The following DEPTOR variants were observed in gnomAD, a reference collection of about 807,000 sequenced individuals.
DEPTOR encodes the protein DEP domain-containing mTOR-interacting protein.
A neutral mutation model predicts 41.6 loss-of-function variants in DEPTOR; 41 were observed. That is an observed-to-expected ratio of 0.98 (90% CI 0.77 to 1.28). The LOEUF is 1.28. DEPTOR is among the 50% of genes most tolerant of loss of function. The probability of loss-of-function intolerance (pLI) is 0.00; values close to 1 mark genes in which losing one functional copy is unlikely to be tolerated. For missense variants in DEPTOR, 514 were observed against 527.9 expected (o/e 0.97, Z 0.26); for synonymous variants, 195 against 192.3 (o/e 1.01, Z -0.12).
intron 1 of DEPTOR, among the ~76,000 whole-genome samples, chr8:119,921,494 A>G (rs903000703): frequency 6.6e-6 from 1 of 152,178 alleles, no homozygotes; most frequent in Non-Finnish European, 1.5e-5. Flanking sequence ...GTTCTTATAG[A>G]TTTTAACCCC....
rs61018429 is a variant in DEPTOR at position 119,952,355 on chromosome 8, C to T, written c.426-12877C>T. On this transcript the variant is annotated intron_variant, in intron 3 of 8. Transcript: ENST00000286234. ...GCTCTTTCCGTCATGCTGGTGCAGC[C>T]CCTCACCTCCACACAGGACACAGGA... 2.6e-3 allele frequency among the ~76,000 whole-genome samples: 395 copies of T among 152,210 alleles called. 6 individuals carry two copies. In the East Asian group the frequency reaches 0.051, roughly 20 times the overall value.
At chr8:120,047,815 G>A (rs1765449273) in intron 8 of DEPTOR, among the ~76,000 whole-genome samples, 1 of 152,182 alleles carries the variant, frequency 6.6e-6, no homozygotes, top group Admixed American at 6.5e-5. Flanking sequence ...GGAGGCCAAG[G>A]TGGGAGGATC....
intron 4 of DEPTOR, among the ~76,000 whole-genome samples, chr8:119,995,588 C>CA (rs773251025): frequency 0.02 from 1,862 of 92,234 alleles, 12 homozygotes; most frequent in African/African-American, 0.026. Flanking sequence ...TCCTCTGTCT[C>CA]AAAAAAAAAA....
chr8:119,910,723 C>G (rs7000068), intron 1 of DEPTOR, among the ~76,000 whole-genome samples: 109,169 of 151,968 alleles, frequency 0.72, 39,663 homozygotes, highest in East Asian at 0.95. Context: ...TTACAGGTGT[C>G]AGCCACTGCG....
intron 3 of DEPTOR, among the ~76,000 whole-genome samples, chr8:119,942,226 G>A (rs1051234606): frequency 6.6e-6 from 1 of 152,108 alleles, no homozygotes; most frequent in Admixed American, 6.5e-5. Context: ...TTTTTGAGAC[G>A]GAGTCTCATT....
At chr8:119,936,996 C>A (rs921763146) in intron 3 of DEPTOR, among the ~76,000 whole-genome samples, 1 of 151,668 alleles carries the variant, frequency 6.6e-6, no homozygotes, top group Non-Finnish European at 1.5e-5. Context: ...TGCACTCCAG[C>A]CTGGGTGACA....
At chr8:119,915,786 A>G (rs1827803181) in intron 1 of DEPTOR, among the ~76,000 whole-genome samples, 1 of 152,100 alleles carries the variant, frequency 6.6e-6, no homozygotes, top group Admixed American at 6.6e-5. Flanking sequence ...CAAACCTCGC[A>G]GTAGGGAGTG....
At chr8:119,968,975 T>C (rs1828598388) in intron 4 of DEPTOR, among the ~76,000 whole-genome samples, 1 of 151,996 alleles carries the variant, frequency 6.6e-6, no homozygotes, top group Non-Finnish European at 1.5e-5. Flanking sequence ...ATGCCTGTAA[T>C]CCCAGCTACT....
chr8:119,880,826 T>C (rs1185918888), intron 1 of DEPTOR, among the ~76,000 whole-genome samples: 1 of 152,078 alleles, frequency 6.6e-6, no homozygotes, highest in Non-Finnish European at 1.5e-5. Context: ...AGAATGGGAG[T>C]AGGGTAAGGA....
intron 1 of DEPTOR, among the ~76,000 whole-genome samples, chr8:119,908,163 G>A (rs1307493632): frequency 6.6e-6 from 1 of 152,218 alleles, no homozygotes; most frequent in Admixed American, 6.5e-5. Flanking sequence ...CTTCTGAGTT[G>A]CTGACATGTG....
chr8:119,879,059 G>T (rs571444707), intron 1 of DEPTOR, among the ~76,000 whole-genome samples: 3 of 151,662 alleles, frequency 2.0e-5, no homozygotes, highest in Non-Finnish European at 2.9e-5. Flanking sequence ...GTAGTGAGCC[G>T]AGATCGCGCC....
intron 8 of DEPTOR, among the ~76,000 whole-genome samples, chr8:120,037,829 A>T (rs1435024241): frequency 6.6e-6 from 1 of 152,128 alleles, no homozygotes; most frequent in Non-Finnish European, 1.5e-5. Context: ...AAGAGTGAAA[A>T]TGCCCCTGTC....
chr8:119,921,649 C>T (rs900929126), intron 1 of DEPTOR, among the ~76,000 whole-genome samples: 3 of 152,114 alleles, frequency 2.0e-5, no homozygotes, highest in Non-Finnish European at 2.9e-5. Flanking sequence ...TTCTCCCCTT[C>T]TACCCTTGCA....
intron 2 of DEPTOR, among the ~76,000 whole-genome samples, chr8:119,928,889 C>A (rs988615570): frequency 6.6e-6 from 1 of 152,052 alleles, no homozygotes; most frequent in Non-Finnish European, 1.5e-5. Context: ...CTGTGTCCAG[C>A]TGGCATTTGG....
chr8:119,878,650 G>T (rs925014197), intron 1 of DEPTOR, among the ~76,000 whole-genome samples: 1 of 151,948 alleles, frequency 6.6e-6, no homozygotes, highest in African/African-American at 2.4e-5. Flanking sequence ...TTTAAAGGGC[G>T]GTTGGTTGTA....
chr8:119,960,353 C>G lies in DEPTOR; in HGVS notation c.426-4879C>G, dbSNP rs561532973. 8.5e-5 allele frequency among the ~76,000 whole-genome samples: 13 copies of G among 152,286 alleles called. No individual in the cohort carries two copies. The South Asian group carries it at 2.7e-3, about 32-fold the overall frequency. On this transcript the variant is annotated intron_variant, in intron 3 of 8. Coordinates refer to ENST00000286234, the MANE Select transcript of DEPTOR (RefSeq NM_022783.4). ...GAAGTGGAACAGGTATTATCTTCCT[C>G]ATTTAATATGAGTTTGGGAGACAGT...
At chr8:119,980,463 C>CTTTTCTT (rs1828749391) in intron 4 of DEPTOR, among the ~76,000 whole-genome samples, 1 of 39,796 alleles carries the variant, frequency 2.5e-5, no homozygotes, top group Non-Finnish European at 6.6e-5. Flanking sequence ...TTTTTCTTTT[C>CTTTTCTT]TTTTCTTTTC....
At chr8:119,998,958 A>AG (rs1357608324) in intron 4 of DEPTOR, among the ~76,000 whole-genome samples, 1 of 151,652 alleles carries the variant, frequency 6.6e-6, no homozygotes, top group Non-Finnish European at 1.5e-5. Flanking sequence ...AAAAAAAAAA[A>AG]AAAGAAGAAG....
At chr8:119,954,804 C>T (rs553646160) in intron 3 of DEPTOR, among the ~76,000 whole-genome samples, 3 of 152,134 alleles carry the variant, frequency 2.0e-5, no homozygotes, top group South Asian at 2.1e-4. Flanking sequence ...AGCTCACATG[C>T]ACAAGCAAAA....
Sources: allele counts gnomAD v4.1 joint callset (sites outside exome capture counted in the v4.1 genomes callset), GRCh38; gene constraint gnomAD v4.1.1; transcripts MANE v1.5; gene names NCBI Gene and HGNC (gene_info 2026-07-23, HGNC 2026-07-21).